The following FGF14 variants were observed in gnomAD, a reference collection of about 807,000 sequenced individuals.
FGF14 encodes fibroblast growth factor homologous factor 4.
A neutral mutation model predicts 25.5 loss-of-function variants in FGF14; 5 were observed. The ratio of observed to expected loss-of-function variants is 0.20; its 90% CI spans 0.10 to 0.41. FGF14 has a LOEUF of 0.41. Among genes scored for constraint, FGF14 ranks in the 10% least tolerant of loss-of-function variants. The pLI is 1.00. For synonymous variants in FGF14, 138 were observed against 118.3 expected, an observed-to-expected ratio of 1.17 and a Z score of -1.08; for missense variants, 222 against 320.1, an observed-to-expected ratio of 0.69 and a Z score of 2.34.
chr13:102,373,996 C>A (rs535830193), intron 1 of FGF14, among the ~76,000 whole-genome samples: 2 of 152,102 alleles, frequency 1.3e-5, no homozygotes, highest in South Asian at 4.1e-4. Flanking sequence ...AAGTTGAGAA[C>A]AACTGCTACA....
chr13:101,948,219 T>C (rs1308895618), intron 1 of FGF14, among the ~76,000 whole-genome samples: 1 of 152,192 alleles, frequency 6.6e-6, no homozygotes, highest in Non-Finnish European at 1.5e-5. Context: ...TTGGAGTTTA[T>C]TTTTTATTAG....
chr13:101,726,902 G>T, intron 3 of FGF14, 92 bp from the exon 4 acceptor site: 1 of 974,928 alleles, frequency 1.0e-6, no homozygotes, highest in Non-Finnish European at 1.6e-6. Flanking sequence ...CCAGCATGGT[G>T]AAAGAGTGCT....
chr13:101,737,156 A>G (rs930893155), intron 3 of FGF14, among the ~76,000 whole-genome samples: 1 of 150,964 alleles, frequency 6.6e-6, no homozygotes, highest in Non-Finnish European at 1.5e-5. Context: ...GAGGAAAGAT[A>G]AAGGGAGGCA....
chr13:102,166,620 C>T (rs525957), intron 1 of FGF14, among the ~76,000 whole-genome samples: 16,487 of 152,108 alleles, frequency 0.11, 1,264 homozygotes, highest in African/African-American at 0.21. Context: ...GCGCTTTCTG[C>T]CATTTCTAAG....
chr13:102,269,759 A>G (rs2053157341), intron 1 of FGF14, among the ~76,000 whole-genome samples: 1 of 152,068 alleles, frequency 6.6e-6, no homozygotes, highest in Non-Finnish European at 1.5e-5. Context: ...AATCCCCGCT[A>G]CTCGGGAGAA....
chr13:101,971,898 C>T (rs78219865), intron 1 of FGF14, among the ~76,000 whole-genome samples: 2,366 of 152,328 alleles, frequency 0.016, 68 homozygotes, highest in African/African-American at 0.054. Context: ...AAATTTCACA[C>T]GTGTATTCTA....
At chr13:101,941,424 T>A (rs1270397223) in intron 1 of FGF14, among the ~76,000 whole-genome samples, 1 of 152,226 alleles carries the variant, frequency 6.6e-6, no homozygotes, top group Non-Finnish European at 1.5e-5. Flanking sequence ...ATCCATGTAT[T>A]CTAGTGACTT....
At chr13:102,053,449 A>T (rs560466715) in intron 1 of FGF14, among the ~76,000 whole-genome samples, 2 of 152,284 alleles carry the variant, frequency 1.3e-5, no homozygotes, top group African/African-American at 4.8e-5. Context: ...AACATATGGA[A>T]ATTAAACAAC....
intron 3 of FGF14, among the ~76,000 whole-genome samples, chr13:101,819,869 T>G (rs958877968): frequency 1.3e-5 from 2 of 152,158 alleles, no homozygotes; most frequent in Non-Finnish European, 2.9e-5. Context: ...CCCTCTGATG[T>G]TGAGGGCATC....
intron 1 of FGF14, among the ~76,000 whole-genome samples, chr13:102,144,065 G>T (rs1453655944): frequency 6.6e-6 from 1 of 152,098 alleles, no homozygotes; most frequent in Non-Finnish European, 1.5e-5. Flanking sequence ...GCCCCGGCTG[G>T]AATGCAGTGG....
intron 1 of FGF14, among the ~76,000 whole-genome samples, chr13:102,200,622 T>G (rs568612847): frequency 8.6e-5 from 13 of 150,332 alleles, no homozygotes; most frequent in Admixed American, 2.0e-4. Context: ...TTTGATTGTT[T>G]TTTTTTTTTT....
intron 1 of FGF14, among the ~76,000 whole-genome samples, chr13:102,310,027 G>C (rs2055647147): frequency 6.6e-6 from 1 of 152,116 alleles, no homozygotes; most frequent in Non-Finnish European, 1.5e-5. Flanking sequence ...ATCTCTGTGT[G>C]ACTCTAAGCT....
At chr13:102,326,305 CA>C (rs1224446757) in intron 1 of FGF14, among the ~76,000 whole-genome samples, 1 of 152,024 alleles carries the variant, frequency 6.6e-6, no homozygotes, top group Non-Finnish European at 1.5e-5. Flanking sequence ...CTGCACAATG[CA>C]AATAAAACTA....
intron 1 of FGF14, among the ~76,000 whole-genome samples, chr13:102,047,500 T>TA (rs2042037242): frequency 1.3e-5 from 2 of 152,102 alleles, no homozygotes; most frequent in African/African-American, 2.4e-5. Context: ...TATGCAGCCA[T>TA]AAAAAATGAT....
intron 1 of FGF14, among the ~76,000 whole-genome samples, chr13:101,935,626 G>A (rs995971399): frequency 6.6e-6 from 1 of 152,130 alleles, no homozygotes; most frequent in Non-Finnish European, 1.5e-5. Flanking sequence ...CACTATGATT[G>A]TAAGCTTTCT....
rs962187663 is a variant in FGF14 at position 101,781,245 on chromosome 13, C to G, written c.409-54435G>C. 3.3e-5 allele frequency among the ~76,000 whole-genome samples: 5 copies of G among 152,194 alleles called. No homozygotes were observed. In the East Asian group the frequency reaches 7.7e-4, roughly 23 times the overall value. On this transcript the variant is annotated intron_variant, in intron 3 of 4. Coordinates refer to ENST00000376143, the MANE Select transcript of FGF14 (RefSeq NM_004115.4). ...GATCTTGCCTTTCTCTTATTCTGCT[C>G]TATTTTACTTCAAAGAGTTTATCAC...
chr13:101,844,475 G>C (rs1462208943), intron 3 of FGF14, among the ~76,000 whole-genome samples: 1 of 151,956 alleles, frequency 6.6e-6, no homozygotes, highest in African/African-American at 2.4e-5. Context: ...TATAATTACA[G>C]AATTTAGCAT....
intron 1 of FGF14, among the ~76,000 whole-genome samples, chr13:102,127,326 A>G (rs2045991040): frequency 6.6e-6 from 1 of 152,156 alleles, no homozygotes; most frequent in Non-Finnish European, 1.5e-5. Context: ...TAACTTCACA[A>G]TAAATCTATG....
At chr13:101,908,896 T>C (rs1310776067) in intron 1 of FGF14, among the ~76,000 whole-genome samples, 1 of 152,044 alleles carries the variant, frequency 6.6e-6, no homozygotes, top group Non-Finnish European at 1.5e-5. Flanking sequence ...AACAGAGATA[T>C]AGATGAATGG....
Sources: gnomAD v4.1 joint callset for allele counts (sites outside exome capture counted in the v4.1 genomes callset) on GRCh38, gnomAD v4.1.1 for gene constraint, MANE v1.5 for transcripts, NCBI Gene and HGNC (gene_info 2026-07-23, HGNC 2026-07-21) for gene names.